The following PRMT7 variants were observed in gnomAD, a reference collection of about 807,000 sequenced individuals.
The protein encoded by PRMT7 is protein arginine methyltransferase 7.
In PRMT7, 75 loss-of-function variants were observed where a neutral mutation model predicts 85.4. The observed-to-expected ratio is 0.88, with a 90% CI of 0.73 to 1.06. The LOEUF is 1.06. Among genes scored for constraint, PRMT7 ranks in the 50% least tolerant of loss-of-function variants. The pLI, the probability that PRMT7 is intolerant of heterozygous loss-of-function variation, is 0.00. For synonymous variants in PRMT7, 397 were observed against 359.5 expected (o/e 1.10, Z -1.18); for missense variants, 868 against 915.2 (o/e 0.95, Z 0.67).
At chr16:68,347,140 G>C in intron 11 of PRMT7, 71 bp from the exon 12 acceptor site, 1 of 1,429,242 alleles carries the variant, frequency 7.0e-7, no homozygotes, top group South Asian at 1.2e-5. Context: ...AAGTATTTCT[G>C]ACAGCTTGCC....
At chr16:68,328,987 A>T (rs2083478204) in intron 5 of PRMT7, 79 bp from the exon 6 acceptor site, 1 of 947,152 alleles carries the variant, frequency 1.1e-6, no homozygotes, top group Admixed American at 1.9e-5. Flanking sequence ...GAATCAAGGA[A>T]TAGCTTGCTC....
In PRMT7 at chr16:68,337,443, T is replaced by G. The variant is rs1340616816; in HGVS notation, c.392-16T>G. 2.5e-6 allele frequency: 4 copies of G among 1,580,244 alleles called. No individual in the cohort carries two copies. The African/African-American group carries it at 4.1e-5, about 16-fold the overall frequency. ...TCTGTTGCTTATGTCCAACTCTGTT[T>G]TCTTGTGTTTTTCAGAGGGTGACAT... On this transcript the variant is annotated splice_polypyrimidine_tract_variant and intron_variant, in intron 6 of 18. Transcript: ENST00000441236.
At chr16:68,348,685 C>T (rs1003519828) in intron 14 of PRMT7, among the ~76,000 whole-genome samples, 1 of 142,122 alleles carries the variant, frequency 7.0e-6, no homozygotes, top group African/African-American at 2.7e-5. Context: ...CGCTGTCGTC[C>T]AGGCTGGAGT....
chr16:68,312,777 A>G (rs1163189509), intron 2 of PRMT7, among the ~76,000 whole-genome samples: 2 of 152,222 alleles, frequency 1.3e-5, no homozygotes, highest in Admixed American at 6.5e-5. Context: ...AGTGCCCACC[A>G]GAAGAGGTTC....
At chr16:68,352,504 C>G (rs1185682559) in intron 15 of PRMT7, 95 bp downstream of exon 15, 3 of 1,265,618 alleles carry the variant, frequency 2.4e-6, no homozygotes, top group African/African-American at 1.5e-5. Flanking sequence ...TAGAGCGGCT[C>G]AGGCCTTGAT....
chr16:68,345,958 G>A (rs770831164), intron 10 of PRMT7, among the ~76,000 whole-genome samples, 156 bp downstream of exon 10: 5 of 152,180 alleles, frequency 3.3e-5, no homozygotes, highest in East Asian at 3.9e-4. Context: ...GTGCCCATTC[G>A]TGTGTACCCA....
chr16:68,328,203 C>G (rs2083360458), intron 5 of PRMT7: 1 of 254,654 alleles, frequency 3.9e-6, no homozygotes, highest in Non-Finnish European at 8.6e-6. Context: ...AATTTCCGCT[C>G]TCATGCACTT....
In PRMT7 at chr16:68,311,033, C is replaced by G. The variant is rs559660118; in HGVS notation, c.-285C>G. 9.6e-7 allele frequency: 1 copy of G among 1,036,960 alleles called. No individual in the cohort carries two copies. Among genetic ancestry groups the G allele is most frequent in the East Asian group, 2.6e-5 (1 of 38,666 alleles). 64.2% of individuals were successfully genotyped at this position (1,036,960 alleles called of 1,614,324 possible). Reference sequence around the variant, plus strand: ...GCACGCTCCTCGACGCTGCGAGGTCCCGCCCCGCGTGCTGGCCGCGGTAAA... The same window carrying G: ...GCACGCTCCTCGACGCTGCGAGGTCGCGCCCCGCGTGCTGGCCGCGGTAAA... On this transcript the variant is annotated 5_prime_UTR_variant, in exon 1 of 19. Coordinates refer to ENST00000441236, the MANE Select transcript of PRMT7 (RefSeq NM_019023.5).
rs1214714679 is a variant in PRMT7 at position 68,312,112 on chromosome 16, C to T, written c.-148C>T. On this transcript the variant is annotated 5_prime_UTR_variant, in exon 2 of 19. Coordinates refer to ENST00000441236, the MANE Select transcript of PRMT7 (RefSeq NM_019023.5). ...CGCACTGCAGCCTTGACCTCCTGGG[C>T]TCAAGCGATCCTCACCTCGGCCTAC... The T allele has an allele frequency of 6.6e-6, 1 of 151,778 alleles. No homozygotes were observed. Among genetic ancestry groups the T allele is most frequent in the Non-Finnish European group, 1.5e-5 (1 of 67,974 alleles). 9.4% of individuals were successfully genotyped at this position (151,778 alleles called of 1,614,324 possible).
chr16:68,352,434 GA>G (rs2087545611), intron 15 of PRMT7, 25 bp downstream of exon 15: 2 of 1,569,994 alleles, frequency 1.3e-6, no homozygotes, highest in Non-Finnish European at 8.6e-7. Context: ...GGATGTTGGA[GA>G]AAAAAGCAGA....
At chr16:68,332,025 A>G (rs2083978959) in intron 6 of PRMT7, among the ~76,000 whole-genome samples, 3 of 151,984 alleles carry the variant, frequency 2.0e-5, no homozygotes. Context: ...GGCTATTTGG[A>G]ATTCCCCATT....
intron 7 of PRMT7, among the ~76,000 whole-genome samples, chr16:68,339,121 G>A (rs977589106): frequency 2.0e-5 from 3 of 152,176 alleles, no homozygotes; most frequent in African/African-American, 7.2e-5. Context: ...CACAGTGTGT[G>A]TTCTTTTTGA....
At chr16:68,349,751 G>C (rs1339899723) in intron 14 of PRMT7, among the ~76,000 whole-genome samples, 1 of 151,992 alleles carries the variant, frequency 6.6e-6, no homozygotes, top group African/African-American at 2.4e-5. Context: ...AAAATTAACC[G>C]AGTGTGGTGG....
At chr16:68,314,475 G>T (rs893744768) in intron 2 of PRMT7, among the ~76,000 whole-genome samples, 1 of 152,164 alleles carries the variant, frequency 6.6e-6, no homozygotes, top group African/African-American at 2.4e-5. Context: ...CAGGTGATCC[G>T]CCTGCCTTGG....
chr16:68,355,987 A>AG, intron 17 of PRMT7, 104 bp downstream of exon 17: 1 of 1,254,006 alleles, frequency 8.0e-7, no homozygotes, highest in Non-Finnish European at 1.1e-6. Context: ...TGACACGTGG[A>AG]GGGGGTATTC....
chr16:68,311,779 A>G, intron 1 of PRMT7: 1 of 102,330 alleles, frequency 9.8e-6, no homozygotes, highest in African/African-American at 3.7e-5. Context: ...ACTCTTCCCC[A>G]ACTTTTATCC....
At chr16:68,334,457 A>G (rs2084362824) in intron 6 of PRMT7, among the ~76,000 whole-genome samples, 1 of 152,094 alleles carries the variant, frequency 6.6e-6, no homozygotes, top group Non-Finnish European at 1.5e-5. Context: ...CCTTAGTGAC[A>G]TCTCTTCATC....
At chr16:68,341,406 G>A (rs567454260) in intron 9 of PRMT7, among the ~76,000 whole-genome samples, 3 of 152,220 alleles carry the variant, frequency 2.0e-5, no homozygotes, top group African/African-American at 4.8e-5. Context: ...CACAGGCTAC[G>A]GTTTTTTGTT....
In PRMT7 at chr16:68,347,206, C is replaced by T. The variant is rs373403609; in HGVS notation, c.1192-5C>T. 4.0e-5 allele frequency: 62 copies of T among 1,551,510 alleles called. No homozygotes were observed. Among genetic ancestry groups the T allele is most frequent in the East Asian group, 3.4e-4 (14 of 41,154 alleles). ...CCCTGTGCTGAGCTTGCCTGTTCCC[C>T]GCAGGTGCTGAAGCCAGACAGCGTG... On this transcript the variant is annotated splice_polypyrimidine_tract_variant and splice_region_variant and intron_variant, in intron 11 of 18. Coordinates refer to ENST00000441236, the MANE Select transcript of PRMT7 (RefSeq NM_019023.5).
Sources: allele counts gnomAD v4.1 joint callset (sites outside exome capture counted in the v4.1 genomes callset), GRCh38; gene constraint gnomAD v4.1.1; transcripts MANE v1.5; gene names NCBI Gene and HGNC (gene_info 2026-07-23, HGNC 2026-07-21).